The following HNRNPK variants were observed in gnomAD, a reference collection of about 807,000 sequenced individuals.
HNRNPK encodes dC-stretch binding protein.
HNRNPK carries 7 observed loss-of-function variants against 67.0 expected under a neutral mutation model. The observed-to-expected ratio is 0.10, with a 90% CI of 0.06 to 0.20. HNRNPK has a LOEUF of 0.20. Among genes scored for constraint, HNRNPK ranks in the 10% least tolerant of loss-of-function variants. HNRNPK has a pLI of 1.00. For missense variants in HNRNPK, 264 were observed against 606.5 expected, an observed-to-expected ratio of 0.44 and a Z score of 5.93; for synonymous variants, 213 against 193.7, an observed-to-expected ratio of 1.10 and a Z score of -0.83.
Position 83,969,156 on chromosome 9 carries a change from T to C in HNRNPK, c.*251A>G. On this transcript the variant is annotated 3_prime_UTR_variant, in exon 17 of 17. Coordinates refer to ENST00000376263, the MANE Select transcript of HNRNPK (RefSeq NM_031263.4). Reference sequence around the variant, plus strand: ...CTCACTCTGCTGCTGTTTCAAAATTTCAATGTTAGTTTTTGCACGCCCTTC... The same window carrying C: ...CTCACTCTGCTGCTGTTTCAAAATTCCAATGTTAGTTTTTGCACGCCCTTC... 1.9e-6 allele frequency: 1 copy of C among 522,562 alleles called. No individual in the cohort carries two copies. 32.4% of individuals were successfully genotyped at this position (522,562 alleles called of 1,614,324 possible).
At chr9:83,970,685 G>A (rs1588412005) in intron 15 of HNRNPK, 52 bp downstream of exon 15, 3 of 1,117,388 alleles carry the variant, frequency 2.7e-6, no homozygotes, top group Non-Finnish European at 4.0e-6. Context: ...ACAGAAAGGA[G>A]GAATAATCAT....
At chr9:83,975,755 A>G (rs1957039343) in intron 5 of HNRNPK, 2 of 569,108 alleles carry the variant, frequency 3.5e-6, no homozygotes, top group Admixed American at 3.0e-5. Context: ...GAAAAGCAAT[A>G]AATTTTAATT....
intron 5 of HNRNPK, 122 bp downstream of exon 5, chr9:83,976,873 A>T: frequency 3.4e-6 from 2 of 595,216 alleles, no homozygotes; most frequent in Non-Finnish European, 5.8e-6. Flanking sequence ...CTGTAATAAT[A>T]AATTATTACA....
At chr9:83,976,453 T>A (rs965965923) in intron 5 of HNRNPK, 1 of 152,268 alleles carries the variant, frequency 6.6e-6, no homozygotes, top group Admixed American at 6.5e-5. Flanking sequence ...AAACAAATCA[T>A]AGGCATTGAC....
Position 83,968,168 on chromosome 9 carries a change from ACATCAAATCTAG to A in HNRNPK, c.*1227_*1238del, listed in dbSNP as rs1956663675. 1 of 152,624 alleles carries A rather than the reference ACATCAAATCTAG, an allele frequency of 6.6e-6. No individual in the cohort carries two copies. Among genetic ancestry groups the A allele is most frequent in the South Asian group, 2.1e-4 (1 of 4,834 alleles). The allele number at this position is 152,624 out of a possible 1,614,324, so 9.5% of individuals were successfully genotyped here. A position where few individuals can be genotyped will look rare whatever the true frequency, so the allele number is the denominator to read the frequency against. Reference sequence around the variant, plus strand: ...ATCAACCCTTGTTCAAATCGGGCACACATCAAATCTAGCATCATGGGTGTTTTATTTATTTGG... The same window carrying A: ...ATCAACCCTTGTTCAAATCGGGCACACATCATGGGTGTTTTATTTATTTGG... On this transcript the variant is annotated 3_prime_UTR_variant, in exon 17 of 17. Coordinates refer to ENST00000376263, the MANE Select transcript of HNRNPK (RefSeq NM_031263.4).
intron 13 of HNRNPK, 82 bp downstream of exon 13, chr9:83,971,191 A>G (rs756756849): frequency 5.2e-6 from 5 of 967,902 alleles, no homozygotes; most frequent in South Asian, 5.1e-5. Flanking sequence ...AAGTATCCTC[A>G]GGGGAATAAA....
At chr9:83,974,748 A>G in intron 6 of HNRNPK, 159 bp from the exon 7 acceptor site, 1 of 593,238 alleles carries the variant, frequency 1.7e-6, no homozygotes, top group South Asian at 2.1e-5. Flanking sequence ...TCTCACATGC[A>G]TTTTGTTTTA....
intron 5 of HNRNPK, 92 bp from the exon 6 acceptor site, chr9:83,975,597 A>C (rs1957036221): frequency 8.8e-7 from 1 of 1,138,874 alleles, no homozygotes; most frequent in Admixed American, 1.7e-5. Flanking sequence ...GGCAACGAGC[A>C]CATTTTTGGG....
intron 1 of HNRNPK, among the ~76,000 whole-genome samples, chr9:83,979,736 A>C (rs1588444732): frequency 2.8e-4 from 11 of 39,240 alleles, no homozygotes; most frequent in African/African-American, 4.1e-4. Flanking sequence ...TCCTCCCCCC[A>C]CTGCCCGAGA....
chr9:83,978,105 C>A, intron 3 of HNRNPK, 90 bp downstream of exon 3: 1 of 825,958 alleles, frequency 1.2e-6, no homozygotes, highest in Non-Finnish European at 2.0e-6. Flanking sequence ...ACCAAAAATT[C>A]ACCACACACT....
intron 7 of HNRNPK, among the ~76,000 whole-genome samples, 153 bp from the exon 8 acceptor site, chr9:83,974,126 A>T (rs1386336083): frequency 6.6e-6 from 1 of 152,200 alleles, no homozygotes; most frequent in Non-Finnish European, 1.5e-5. Flanking sequence ...TTCAAAACAT[A>T]AAATATTTTT....
At chr9:83,969,875 C>T (rs1433378774) in intron 16 of HNRNPK, 1 of 607,316 alleles carries the variant, frequency 1.6e-6, no homozygotes, top group Non-Finnish European at 3.2e-6. Flanking sequence ...TCTATATTTT[C>T]TACAGGCTCT....
At chr9:83,972,241 T>C in intron 10 of HNRNPK, 52 bp from the exon 11 acceptor site, 3 of 1,317,814 alleles carry the variant, frequency 2.3e-6, no homozygotes, top group Non-Finnish European at 3.2e-6. Flanking sequence ...GAGTCCTGCT[T>C]CATACCAATC....
intron 15 of HNRNPK, 51 bp downstream of exon 15, chr9:83,970,686 G>C (rs760830318): frequency 1.8e-6 from 2 of 1,119,030 alleles, no homozygotes; most frequent in South Asian, 1.3e-5. Context: ...CAGAAAGGAG[G>C]AATAATCATA....
intron 5 of HNRNPK, 77 bp downstream of exon 5, chr9:83,976,918 A>T: frequency 1.3e-6 from 1 of 780,200 alleles, no homozygotes; most frequent in Non-Finnish European, 2.1e-6. Context: ...AATGATTTCT[A>T]GGATGTAAAT....
Position 83,968,398 on chromosome 9 carries a change from G to A in HNRNPK, c.*1009C>T, listed in dbSNP as rs1326002603. The A allele has an allele frequency of 6.6e-6, 1 of 152,070 alleles. No homozygotes were observed. The highest frequency in any genetic ancestry group is 1.9e-4 in the East Asian group (1 of 5,180). 9.4% of individuals were successfully genotyped at this position (152,070 alleles called of 1,614,324 possible). ...AACAAGTATATATATATTTTACAAAGTTTAACTAATAAGACACTAGAGCAA... is the reference window on the plus strand; with the variant it reads ...AACAAGTATATATATATTTTACAAAATTTAACTAATAAGACACTAGAGCAA... On this transcript the variant is annotated 3_prime_UTR_variant, in exon 17 of 17. Transcript: ENST00000376263.
rs143811423 is a variant in HNRNPK, at chr9:83,972,970, G to A, written c.519C>T (p.Asn173=). ...KGAKIKELRE[N]TQTTIKLFQE... ...GGAAAAGCTTGATGGTGGTTTGAGT[G>A]TTCTGTAGTAAGATCATAAAAAAAA... is the stretch of plus-strand genomic sequence containing the variant. Residue 173 remains asparagine (N), a splice_region_variant and synonymous_variant, in exon 10 of 17, where the codon AAC becomes AAT. Transcript: ENST00000376263. 2 of 1,597,502 alleles carry A rather than the reference G, an allele frequency of 1.3e-6. No individual in the cohort carries two copies. Among genetic ancestry groups the A allele is most frequent in the Non-Finnish European group, 1.7e-6 (2 of 1,168,826 alleles).
chr9:83,973,778 T>C, intron 8 of HNRNPK, 124 bp downstream of exon 8: 1 of 695,296 alleles, frequency 1.4e-6, no homozygotes, highest in Admixed American at 2.6e-5. Flanking sequence ...TGTAAGACCA[T>C]TCATGTATCA....
intron 10 of HNRNPK, among the ~76,000 whole-genome samples, chr9:83,972,495 A>G (rs1179164084): frequency 6.6e-6 from 1 of 152,194 alleles, no homozygotes; most frequent in East Asian, 1.9e-4. Context: ...GACAAACTAC[A>G]ATGCACATTT....
Sources: allele counts gnomAD v4.1 joint callset (sites outside exome capture counted in the v4.1 genomes callset), GRCh38; gene constraint gnomAD v4.1.1; transcripts MANE v1.5; gene names NCBI Gene and HGNC (gene_info 2026-07-23, HGNC 2026-07-21).